MSH3: variants seen among roughly 807,000 people sequenced by gnomAD.
MSH3 encodes mutS homolog 3.
MSH3 carries 106 observed loss-of-function variants against 123.3 expected under a neutral mutation model. The observed-to-expected ratio is 0.86, with a 90% confidence interval of 0.73 to 1.01. The LOEUF is 1.01. Ranked by LOEUF, MSH3 falls within the 50% of genes least tolerant of loss-of-function variation. The pLI is 0.00. For synonymous variants in MSH3, 515 were observed against 481.4 expected (o/e 1.07, Z -0.91); for missense variants, 1,459 against 1,347.6 (o/e 1.08, Z -1.29).
At chr5:80,821,430 A>G (rs895973086) in intron 20 of MSH3, among the ~76,000 whole-genome samples, 3 of 152,356 alleles carry the variant, frequency 2.0e-5, no homozygotes, top group African/African-American at 4.8e-5. Context: ...TTTATATTAC[A>G]TTGTTTTCAC....
chr5:80,657,588 A>G (rs1406043558), intron 2 of MSH3, among the ~76,000 whole-genome samples: 6 of 152,174 alleles, frequency 3.9e-5, no homozygotes, highest in Non-Finnish European at 8.8e-5. Context: ...AGAATTTGTG[A>G]TAAGGGAAGA....
chr5:80,657,968 G>A (rs1333722077), intron 2 of MSH3, among the ~76,000 whole-genome samples: 1 of 149,542 alleles, frequency 6.7e-6, no homozygotes, highest in African/African-American at 2.5e-5. Flanking sequence ...CACTGAATGA[G>A]CACCTATGAT....
At chr5:80,656,136 G>A (rs1224824491) in intron 1 of MSH3, among the ~76,000 whole-genome samples, 2 of 152,196 alleles carry the variant, frequency 1.3e-5, no homozygotes, top group African/African-American at 2.4e-5. Context: ...GAAAGCTGAA[G>A]GCTCATTGAA....
chr5:80,824,725 T>C (rs1745263862), intron 20 of MSH3, among the ~76,000 whole-genome samples: 1 of 152,206 alleles, frequency 6.6e-6, no homozygotes, highest in African/African-American at 2.4e-5. Flanking sequence ...TATACATCTT[T>C]TCTTTTCTAA....
chr5:80,776,179 T>G (rs1744295740), intron 16 of MSH3, among the ~76,000 whole-genome samples: 1 of 152,216 alleles, frequency 6.6e-6, no homozygotes, highest in Non-Finnish European at 1.5e-5. Context: ...CATGAGCCAC[T>G]GTGCCCTGCC....
Position 80,673,528 on chromosome 5 carries a change from T to TCAAA in MSH3, c.1027+692_1027+695dup, listed in dbSNP as rs572663390. 8.0e-3 allele frequency among the ~76,000 whole-genome samples: 1,211 copies of TCAAA among 152,140 alleles called. 20 individuals carry two copies. The highest frequency in any genetic ancestry group is 0.025 in the African/African-American group (1,029 of 41,482). ...TGGGTGACAGGAGTGAGACCCTGTCTCAAACAAACAAACAAACAAACAAAC... is the reference window on the plus strand; with the variant it reads ...TGGGTGACAGGAGTGAGACCCTGTCTCAAACAAACAAACAAACAAACAAACAAAC... On this transcript the variant is annotated intron_variant, in intron 6 of 23. Transcript: ENST00000265081.
intron 8 of MSH3, among the ~76,000 whole-genome samples, chr5:80,684,275 G>A (rs556633297): frequency 5.3e-5 from 8 of 152,216 alleles, no homozygotes; most frequent in African/African-American, 1.7e-4. Context: ...GCTTTGGGTA[G>A]TATGGATGTT....
chr5:80,751,591 T>C (rs931386597), intron 12 of MSH3, among the ~76,000 whole-genome samples: 1 of 152,186 alleles, frequency 6.6e-6, no homozygotes, highest in African/African-American at 2.4e-5. Context: ...TAGATGTAGC[T>C]CCTTGATCTC....
At chr5:80,859,246 G>A (rs1203450655) in intron 21 of MSH3, among the ~76,000 whole-genome samples, 3 of 151,910 alleles carry the variant, frequency 2.0e-5, no homozygotes, top group East Asian at 1.9e-4. Flanking sequence ...TCAGCCTCCC[G>A]AGTAGCTGGG....
At chr5:80,810,172 C>CATACATATAT (rs375421949) in intron 19 of MSH3, among the ~76,000 whole-genome samples, 1 of 121,590 alleles carries the variant, frequency 8.2e-6, no homozygotes, top group Non-Finnish European at 1.7e-5. Flanking sequence ...GTTTGACATA[C>CATACATATAT]ATATATATAT....
intron 8 of MSH3, among the ~76,000 whole-genome samples, chr5:80,711,378 T>C (rs1750854623): frequency 6.6e-6 from 1 of 152,204 alleles, no homozygotes; most frequent in Non-Finnish European, 1.5e-5. Context: ...CAGTCCCTTG[T>C]GGTAAGTTGG....
chr5:80,657,864 G>A (rs954022068), intron 2 of MSH3, among the ~76,000 whole-genome samples: 1 of 83,054 alleles, frequency 1.2e-5, no homozygotes, highest in Non-Finnish European at 3.3e-5. Flanking sequence ...GGCGTGACTT[G>A]AGAGAATTTG....
intron 19 of MSH3, among the ~76,000 whole-genome samples, chr5:80,808,873 A>ATATATATGTATG (rs58133423): frequency 7.3e-6 from 1 of 137,044 alleles, no homozygotes; most frequent in Non-Finnish European, 1.6e-5. Context: ...ATATATATAT[A>ATATATATGTATG]TATATATATA....
intron 8 of MSH3, among the ~76,000 whole-genome samples, chr5:80,712,481 T>G (rs1750879828): frequency 6.6e-6 from 1 of 152,144 alleles, no homozygotes; most frequent in African/African-American, 2.4e-5. Flanking sequence ...TTTATTTGTA[T>G]TCACCTAATA....
intron 20 of MSH3, among the ~76,000 whole-genome samples, chr5:80,837,172 G>A (rs768893698): frequency 1.3e-4 from 20 of 152,092 alleles, no homozygotes; most frequent in Non-Finnish European, 2.1e-4. Flanking sequence ...TTTAAAATAC[G>A]GAGCTAAAAG....
intron 21 of MSH3, among the ~76,000 whole-genome samples, chr5:80,857,490 G>A (rs923349553): frequency 1.3e-5 from 2 of 152,172 alleles, no homozygotes; most frequent in Non-Finnish European, 2.9e-5. Context: ...AACATTTGGT[G>A]GAGTTCACCA....
At chr5:80,692,580 AGAGATAAACATGTATATGTTTATATAG>A (rs1750318695) in intron 8 of MSH3, among the ~76,000 whole-genome samples, 2 of 100,686 alleles carry the variant, frequency 2.0e-5, no homozygotes, top group African/African-American at 6.8e-5. Context: ...GTTTATATAG[AGAGATAAACATGTATATGTTTATATAG>A]ATGAATATAT....
At position 80,850,620 on chromosome 5, in the gene MSH3, T is replaced by C. The variant is rs144001870; in HGVS notation, c.2814-3510T>C. 5.2e-3 allele frequency among the ~76,000 whole-genome samples: 792 copies of C among 152,206 alleles called. 7 individuals are homozygous for C. Among genetic ancestry groups the C allele is most frequent in the African/African-American group, 0.018 (766 of 41,518 alleles). Reference sequence around the variant, plus strand: ...CAGATTTCATGAGACTCATTCACTATCATGAGAACAGCACAGGAAAGACCT... The same window carrying C: ...CAGATTTCATGAGACTCATTCACTACCATGAGAACAGCACAGGAAAGACCT... On this transcript the variant is annotated intron_variant, in intron 20 of 23. Transcript: ENST00000265081.
At chr5:80,659,497 C>A (rs1193789050) in intron 2 of MSH3, among the ~76,000 whole-genome samples, 2 of 151,986 alleles carry the variant, frequency 1.3e-5, no homozygotes, top group Non-Finnish European at 2.9e-5. Context: ...TGGAATCATA[C>A]AATATGTGGC....
Sources: gnomAD v4.1 joint callset for allele counts (sites outside exome capture counted in the v4.1 genomes callset) on GRCh38, gnomAD v4.1.1 for gene constraint, MANE v1.5 for transcripts, NCBI Gene and HGNC (gene_info 2026-07-23, HGNC 2026-07-21) for gene names.